The following PEX14 variants were observed in gnomAD, a reference collection of about 807,000 sequenced individuals.
The protein encoded by PEX14 is peroxisomal membrane protein PEX14.
In PEX14, 15 loss-of-function variants were observed where a neutral mutation model predicts 49.5. The ratio of observed to expected loss-of-function variants is 0.30; its 90% CI spans 0.20 to 0.47. PEX14 has a LOEUF of 0.47. PEX14 is among the 20% of genes least tolerant of loss of function. The probability of loss-of-function intolerance (pLI) is 1.00; values close to 1 mark genes in which losing one functional copy is unlikely to be tolerated. For missense variants in PEX14, 398 were observed against 494.8 expected, an observed-to-expected ratio of 0.80 and a Z score of 1.86; for synonymous variants, 210 against 212.7, an observed-to-expected ratio of 0.99 and a Z score of 0.11.
At chr1:10,507,250 G>A (rs1294187213) in intron 2 of PEX14, among the ~76,000 whole-genome samples, 1 of 152,274 alleles carries the variant, frequency 6.6e-6, no homozygotes, top group Non-Finnish European at 1.5e-5. Flanking sequence ...TGCTGAACCT[G>A]TGCAGACGGG....
intron 3 of PEX14, among the ~76,000 whole-genome samples, chr1:10,551,303 G>A (rs1225368471): frequency 6.6e-6 from 1 of 152,110 alleles, no homozygotes; most frequent in African/African-American, 2.4e-5. Context: ...CTGTCCATGT[G>A]GAAATGTCCC....
At chr1:10,536,011 A>G (rs1638791820) in intron 2 of PEX14, 1 of 576,018 alleles carries the variant, frequency 1.7e-6, no homozygotes, top group Non-Finnish European at 3.2e-6. Flanking sequence ...TGACAGACTC[A>G]GATACAGGAA....
At chr1:10,475,455 C>T (rs2124358442) in intron 1 of PEX14, among the ~76,000 whole-genome samples, 1 of 152,324 alleles carries the variant, frequency 6.6e-6, no homozygotes, top group South Asian at 2.1e-4. Context: ...CCAGCCTCTT[C>T]ATCTGTGGTC....
intron 3 of PEX14, among the ~76,000 whole-genome samples, chr1:10,555,642 A>AGAGTGTGTGT (rs71583878): frequency 3.5e-4 from 53 of 149,370 alleles, no homozygotes; most frequent in Non-Finnish European, 6.5e-4. Flanking sequence ...GCAAGGTGTG[A>AGAGTGTGTGT]GTGTGTGTGT....
chr1:10,588,578 T>C (rs1640568993), intron 3 of PEX14, among the ~76,000 whole-genome samples: 1 of 152,222 alleles, frequency 6.6e-6, no homozygotes, highest in African/African-American at 2.4e-5. Flanking sequence ...TCTGAGTAGC[T>C]TGATGAAACC....
At chr1:10,491,569 G>T (rs1310624567) in intron 1 of PEX14, among the ~76,000 whole-genome samples, 1 of 150,890 alleles carries the variant, frequency 6.6e-6, no homozygotes, top group Admixed American at 6.6e-5. Context: ...GTCTCGCTGT[G>T]TTGCCCAGGC....
intron 1 of PEX14, among the ~76,000 whole-genome samples, chr1:10,491,609 C>CTCCCATTG (rs1271561212): frequency 6.6e-6 from 1 of 151,466 alleles, no homozygotes; most frequent in Non-Finnish European, 1.5e-5. Flanking sequence ...TTAAGGGATC[C>CTCCCATTG]TCCCATTGTA....
At chr1:10,568,658 T>C (rs536453509) in intron 3 of PEX14, among the ~76,000 whole-genome samples, 7 of 152,180 alleles carry the variant, frequency 4.6e-5, no homozygotes, top group Non-Finnish European at 8.8e-5. Context: ...GATGATGAAT[T>C]TGTTCATGCC....
intron 3 of PEX14, among the ~76,000 whole-genome samples, chr1:10,546,886 G>A (rs1398701875): frequency 6.6e-6 from 1 of 151,756 alleles, no homozygotes; most frequent in African/African-American, 2.4e-5. Context: ...AACAAAAAAC[G>A]AACAACTACA....
At chr1:10,555,693 G>A (rs775787262) in intron 3 of PEX14, among the ~76,000 whole-genome samples, 14 of 151,918 alleles carry the variant, frequency 9.2e-5, no homozygotes, top group East Asian at 1.9e-4. Flanking sequence ...GTGAGGGGCC[G>A]CAGTGCCTGT....
intron 3 of PEX14, among the ~76,000 whole-genome samples, chr1:10,538,552 A>G (rs1309958943): frequency 6.6e-6 from 1 of 152,242 alleles, no homozygotes; most frequent in Non-Finnish European, 1.5e-5. Context: ...AGGTTCTGGC[A>G]GGACCTTTTC....
intron 2 of PEX14, among the ~76,000 whole-genome samples, chr1:10,532,401 G>A (rs1638675291): frequency 6.6e-6 from 1 of 152,054 alleles, no homozygotes; most frequent in South Asian, 2.1e-4. Flanking sequence ...TCAGAGGGAT[G>A]GGGGGCGGGG....
chr1:10,538,390 G>T (rs776174920), intron 3 of PEX14, among the ~76,000 whole-genome samples: 1 of 152,202 alleles, frequency 6.6e-6, no homozygotes, highest in Non-Finnish European at 1.5e-5. Flanking sequence ...ACCTTGAGAT[G>T]CTATCCTGCC....
chr1:10,547,329 C>T lies in PEX14; in HGVS notation c.169+11032C>T, dbSNP rs1314080992. Among the ~76,000 whole-genome samples, 4 of 152,334 alleles carry T rather than the reference C, an allele frequency of 2.6e-5. No homozygotes were observed. The East Asian group carries it at 5.8e-4, about 22-fold the overall frequency. On this transcript the variant is annotated intron_variant, in intron 3 of 8. Coordinates refer to ENST00000356607, the MANE Select transcript of PEX14 (RefSeq NM_004565.3). Reference sequence around the variant, plus strand: ...ATCAAAAGCAGCAAGAACAGCAGTCCTCTGCCTCATTTCCACTTTCCAAAT... The same window carrying T: ...ATCAAAAGCAGCAAGAACAGCAGTCTTCTGCCTCATTTCCACTTTCCAAAT...
At chr1:10,624,576 G>A (rs938896556) in intron 7 of PEX14, 139 bp downstream of exon 7, 9 of 695,588 alleles carry the variant, frequency 1.3e-5, no homozygotes, top group African/African-American at 5.3e-5. Context: ...AGCCGTGGCC[G>A]ATGCTGCCCT....
chr1:10,557,150 T>G (rs1276325734), intron 3 of PEX14, among the ~76,000 whole-genome samples: 1 of 152,198 alleles, frequency 6.6e-6, no homozygotes, highest in Non-Finnish European at 1.5e-5. Context: ...GTAACTGCCT[T>G]GTGTTCTGCT....
At chr1:10,564,579 A>G in intron 3 of PEX14, among the ~76,000 whole-genome samples, 1 of 139,950 alleles carries the variant, frequency 7.1e-6, no homozygotes, top group Admixed American at 7.5e-5. Context: ...ACCTGGCCTG[A>G]TTTTTCTTTT....
In PEX14 at chr1:10,494,980, C is replaced by G; in HGVS notation, c.37-294C>G. 2.9e-6 allele frequency: 1 copy of G among 341,260 alleles called. No homozygotes were observed. The highest frequency in any genetic ancestry group is 4.1e-6 in the Non-Finnish European group (1 of 240,968). 21.1% of individuals were successfully genotyped at this position (341,260 alleles called of 1,614,324 possible). ...CCGTGGATTTTGGGATGGTCCCCAG[C>G]CCTTGCTGCTCAGTAGGTGATCGTG... On this transcript the variant is annotated intron_variant, in intron 1 of 8. Coordinates refer to ENST00000356607, the MANE Select transcript of PEX14 (RefSeq NM_004565.3). The surrounding 1 kb of genome is among the most constrained non-coding windows in gnomAD (Gnocchi z 4.3).
intron 7 of PEX14, 92 bp from the exon 8 acceptor site, chr1:10,627,180 A>G: frequency 1.2e-6 from 1 of 852,814 alleles, no homozygotes; most frequent in Non-Finnish European, 2.0e-6. Context: ...AGAAGGCCCC[A>G]CCTGCTGCCC....
Sources: allele counts gnomAD v4.1 joint callset (sites outside exome capture counted in the v4.1 genomes callset), GRCh38; gene constraint gnomAD v4.1.1; non-coding constraint Gnocchi (gnomAD v3.1); transcripts MANE v1.5; gene names NCBI Gene and HGNC (gene_info 2026-07-23, HGNC 2026-07-21).